The following RMDN2 variants were observed in gnomAD, a reference collection of about 807,000 sequenced individuals.
The protein encoded by RMDN2 is regulator of microtubule dynamics 2, also known as regulator of microtubule dynamics protein 2.
Under a neutral mutation model 52.8 loss-of-function variants are expected in RMDN2, and 61 were observed. The ratio of observed to expected loss-of-function variants is 1.16; its 90% confidence interval spans 0.94 to 1.43. RMDN2 has a LOEUF of 1.43. Ranked by LOEUF, RMDN2 falls within the 40% of genes most tolerant of loss-of-function variation. The pLI, the probability that RMDN2 is intolerant of heterozygous loss-of-function variation, is 0.00. For synonymous variants in RMDN2, 180 were observed against 153.1 expected (o/e 1.18, Z -1.30); for missense variants, 592 against 475.3 (o/e 1.25, Z -2.28).
rs368200808 is a variant in RMDN2, at chr2:37,973,691, G to A, written c.453-349G>A. Among the ~76,000 whole-genome samples, 36 of 152,242 alleles carry A rather than the reference G, an allele frequency of 2.4e-4. No homozygotes were observed. In the South Asian group the frequency reaches 6.8e-3, roughly 29 times the overall value. On this transcript the variant is annotated intron_variant, in intron 2 of 10. Coordinates refer to ENST00000354545, the MANE Select transcript of RMDN2 (RefSeq NM_001170791.3). The stretch of plus-strand genomic sequence containing the variant: ...GCAGAGACTTGAAGGAGGTGAGGGC[G>A]TGAGTTATGTGGCTGTCTAAGGAAA...
chr2:37,968,098 TC>T (rs1203822979), intron 2 of RMDN2, among the ~76,000 whole-genome samples: 6 of 152,208 alleles, frequency 3.9e-5, no homozygotes, highest in Non-Finnish European at 8.8e-5. Flanking sequence ...TGTGGTAGTT[TC>T]TTGGTCTCCC....
Position 37,974,088 on chromosome 2 carries a change from T to C in RMDN2, c.501T>C (p.Pro167=). ...CAGAAGAACAGAGTTTTCCAGTCCC[T>C]AAGGCATTTAACACACGTGTAGAGG... ...TDTEEQSFPV[P]KAFNTRVEEL... The change falls in exon 3 of 11, where the codon CCT becomes CCC. Residue 167 remains proline (P), a synonymous_variant. Coordinates refer to ENST00000354545, the MANE Select transcript of RMDN2 (RefSeq NM_001170791.3). 7 of 1,613,026 alleles carry C rather than the reference T, an allele frequency of 4.3e-6. No homozygotes were observed. The highest frequency in any genetic ancestry group is 5.9e-6 in the Non-Finnish European group (7 of 1,179,360).
At chr2:38,057,405 CCT>C (rs1347158298) in intron 10 of RMDN2, among the ~76,000 whole-genome samples, 1 of 152,136 alleles carries the variant, frequency 6.6e-6, no homozygotes, top group Non-Finnish European at 1.5e-5. Context: ...AAATACTTTT[CCT>C]CTTTTGATTT....
At chr2:37,928,464 C>T (rs541074644) in intron 1 of RMDN2, among the ~76,000 whole-genome samples, 1 of 152,312 alleles carries the variant, frequency 6.6e-6, no homozygotes, top group African/African-American at 2.4e-5. Context: ...GGTATACAAC[C>T]TAATTCAGAA....
chr2:37,968,181 C>T (rs1005121469), intron 2 of RMDN2, among the ~76,000 whole-genome samples: 1 of 152,100 alleles, frequency 6.6e-6, no homozygotes, highest in African/African-American at 2.4e-5. Context: ...TGGCTCATGC[C>T]TGTAATCCCA....
chr2:37,990,321 C>G (rs904689600), intron 6 of RMDN2, among the ~76,000 whole-genome samples: 3 of 150,860 alleles, frequency 2.0e-5, no homozygotes, highest in African/African-American at 7.3e-5. Context: ...GAGTTCGAGA[C>G]CAGCCTGGCC....
At chr2:38,034,550 C>A (rs539712580) in intron 10 of RMDN2, among the ~76,000 whole-genome samples, 1 of 152,080 alleles carries the variant, frequency 6.6e-6, no homozygotes, top group African/African-American at 2.4e-5. Flanking sequence ...CATTCGAGAT[C>A]CTGAAGTATC....
intron 2 of RMDN2, among the ~76,000 whole-genome samples, chr2:37,948,189 T>C (rs1379967199): frequency 6.6e-6 from 1 of 152,184 alleles, no homozygotes; most frequent in Admixed American, 6.5e-5. Flanking sequence ...ACCTAGCGAA[T>C]CAGAATGTCT....
At chr2:37,952,313 T>C in intron 2 of RMDN2, 2 of 988,492 alleles carry the variant, frequency 2.0e-6, no homozygotes, top group Non-Finnish European at 3.0e-6. Context: ...CTCACAAAGC[T>C]TCACTGCATT....
intron 10 of RMDN2, among the ~76,000 whole-genome samples, chr2:38,030,072 A>G (rs1193580597): frequency 2.6e-5 from 4 of 152,106 alleles, no homozygotes; most frequent in Admixed American, 2.0e-4. Context: ...CCCTCCCACA[A>G]CATGTGGGAA....
intron 2 of RMDN2, among the ~76,000 whole-genome samples, chr2:37,933,373 G>A (rs1028691464): frequency 1.7e-4 from 26 of 152,192 alleles, no homozygotes; most frequent in Admixed American, 2.6e-4. Flanking sequence ...ACGGGGTGGC[G>A]GCTGGGCAGA....
chr2:37,948,012 T>C (rs772556384), intron 2 of RMDN2, among the ~76,000 whole-genome samples: 3 of 152,178 alleles, frequency 2.0e-5, no homozygotes, highest in Non-Finnish European at 4.4e-5. Flanking sequence ...GATAGGCAGC[T>C]GCTGTGAGGT....
intron 10 of RMDN2, among the ~76,000 whole-genome samples, chr2:38,051,916 G>A (rs932336134): frequency 6.6e-6 from 1 of 151,872 alleles, no homozygotes; most frequent in African/African-American, 2.4e-5. Context: ...AAATCCATTC[G>A]TCTGTTGATG....
At chr2:37,951,721 C>T (rs147729503) in intron 2 of RMDN2, 1 of 1,612,620 alleles carries the variant, frequency 6.2e-7, no homozygotes, top group Non-Finnish European at 8.5e-7. Flanking sequence ...TCAAGTAATA[C>T]TGATGCTAAA....
chr2:37,983,865 G>A (rs930637212), intron 5 of RMDN2, among the ~76,000 whole-genome samples: 1 of 152,142 alleles, frequency 6.6e-6, no homozygotes, highest in Admixed American at 6.5e-5. Context: ...ACTATAGCCT[G>A]CAGATGAATT....
intron 8 of RMDN2, among the ~76,000 whole-genome samples, chr2:38,000,805 T>G (rs957627759): frequency 2.6e-5 from 4 of 152,276 alleles, no homozygotes; most frequent in African/African-American, 7.2e-5. Context: ...TCTGTGAACA[T>G]TCAAATGCAA....
chr2:37,952,214 T>A, intron 2 of RMDN2: 1 of 1,612,322 alleles, frequency 6.2e-7, no homozygotes, highest in Non-Finnish European at 8.5e-7. Context: ...CACCTCAGAC[T>A]TTACCCTCTC....
chr2:37,935,090 T>C (rs1667173577), intron 2 of RMDN2, among the ~76,000 whole-genome samples: 1 of 152,220 alleles, frequency 6.6e-6, no homozygotes, highest in Non-Finnish European at 1.5e-5. Flanking sequence ...TTTCATTTAC[T>C]GTTAGGTTCA....
intron 8 of RMDN2, among the ~76,000 whole-genome samples, chr2:37,998,923 C>T (rs1343645599): frequency 6.6e-6 from 1 of 152,138 alleles, no homozygotes; most frequent in Non-Finnish European, 1.5e-5. Flanking sequence ...CACCCTTTTC[C>T]TACCACTGAA....
Sources: allele counts gnomAD v4.1 joint callset (sites outside exome capture counted in the v4.1 genomes callset), GRCh38; gene constraint gnomAD v4.1.1; transcripts MANE v1.5; gene names NCBI Gene and HGNC (gene_info 2026-07-23, HGNC 2026-07-21).